EGFLAM: variants seen among roughly 807,000 people sequenced by gnomAD.
The protein encoded by EGFLAM is pikachurin.
Under a neutral mutation model 113.1 loss-of-function variants are expected in EGFLAM, and 79 were observed. That is an observed-to-expected ratio of 0.70 (90% confidence interval 0.58 to 0.84). The LOEUF (loss-of-function observed/expected upper bound fraction) is 0.84. Ranked by LOEUF, EGFLAM falls within the 40% of genes least tolerant of loss-of-function variation. The probability of loss-of-function intolerance (pLI) is 0.00; values close to 1 mark genes in which losing one functional copy is unlikely to be tolerated. For missense variants in EGFLAM, 1,265 were observed against 1,291.6 expected, an observed-to-expected ratio of 0.98 and a Z score of 0.32; for synonymous variants, 504 against 487.6, an observed-to-expected ratio of 1.03 and a Z score of -0.44.
At chr5:38,359,009 A>T (rs1158510734) in intron 5 of EGFLAM, among the ~76,000 whole-genome samples, 2 of 152,262 alleles carry the variant, frequency 1.3e-5, no homozygotes, top group Non-Finnish European at 2.9e-5. Context: ...GTTTATTAAA[A>T]TAAGAACCAA....
chr5:38,448,861 C>T (rs780083696), intron 18 of EGFLAM, among the ~76,000 whole-genome samples: 19 of 152,196 alleles, frequency 1.2e-4, no homozygotes, highest in East Asian at 1.9e-4. Flanking sequence ...ACCTACCCTG[C>T]GTCTTCATCA....
intron 6 of EGFLAM, among the ~76,000 whole-genome samples, chr5:38,379,828 GAA>G (rs34833258): frequency 0.16 from 23,090 of 140,128 alleles, 2,024 homozygotes; most frequent in African/African-American, 0.24. Context: ...CAGGCAAAAG[GAA>G]AAAAAAAAAA....
intron 1 of EGFLAM, among the ~76,000 whole-genome samples, chr5:38,263,085 T>A (rs911826438): frequency 1.2e-4 from 18 of 152,034 alleles, no homozygotes; most frequent in African/African-American, 4.4e-4. Context: ...AATGACTAAT[T>A]ATATTGAACA....
At chr5:38,314,773 C>G (rs1257880113) in intron 1 of EGFLAM, among the ~76,000 whole-genome samples, 2 of 152,220 alleles carry the variant, frequency 1.3e-5, no homozygotes, top group African/African-American at 4.8e-5. Context: ...GACCATATGA[C>G]TGTCTCTGGT....
chr5:38,342,823 A>G (rs1739369212), intron 3 of EGFLAM, among the ~76,000 whole-genome samples: 1 of 152,228 alleles, frequency 6.6e-6, no homozygotes, highest in South Asian at 2.1e-4. Flanking sequence ...TAAATTATAC[A>G]TATGCTACGG....
intron 12 of EGFLAM, among the ~76,000 whole-genome samples, chr5:38,419,526 C>G (rs868212554): frequency 1.3e-5 from 2 of 152,122 alleles, no homozygotes; most frequent in South Asian, 4.1e-4. Flanking sequence ...TTTTCTTGAC[C>G]ACATATCAAT....
At chr5:38,319,707 G>A (rs1028066122) in intron 1 of EGFLAM, among the ~76,000 whole-genome samples, 1 of 152,208 alleles carries the variant, frequency 6.6e-6, no homozygotes, top group Non-Finnish European at 1.5e-5. Flanking sequence ...TGGGGTGTTT[G>A]TTAGCCATCA....
intron 4 of EGFLAM, among the ~76,000 whole-genome samples, chr5:38,351,611 G>A (rs973250509): frequency 6.6e-6 from 1 of 152,194 alleles, no homozygotes; most frequent in Non-Finnish European, 1.5e-5. Context: ...AGATGTGTGT[G>A]TCTGGAGGTG....
At chr5:38,295,716 A>G (rs1758439733) in intron 1 of EGFLAM, among the ~76,000 whole-genome samples, 1 of 152,186 alleles carries the variant, frequency 6.6e-6, no homozygotes, top group African/African-American at 2.4e-5. Context: ...TTATTAGGCA[A>G]CTAGTAAAAC....
At chr5:38,408,008 C>T (rs563782244) in intron 9 of EGFLAM, 103 bp downstream of exon 9, 22 of 823,288 alleles carry the variant, frequency 2.7e-5, no homozygotes, top group South Asian at 2.1e-4. Flanking sequence ...GCAGGGAGAG[C>T]GACGAAAGGT....
intron 10 of EGFLAM, among the ~76,000 whole-genome samples, chr5:38,411,689 G>GCC (rs1741485254): frequency 6.6e-6 from 1 of 151,906 alleles, no homozygotes; most frequent in African/African-American, 2.4e-5. Flanking sequence ...CACCATGTTG[G>GCC]CCAGGATGGT....
At chr5:38,413,982 G>A (rs1176658991) in intron 11 of EGFLAM, among the ~76,000 whole-genome samples, 1 of 152,128 alleles carries the variant, frequency 6.6e-6, no homozygotes, top group African/African-American at 2.4e-5. Context: ...GACAGAAGAC[G>A]GAGCTCAGGC....
intron 1 of EGFLAM, among the ~76,000 whole-genome samples, chr5:38,270,771 T>C (rs1419203277): frequency 6.6e-6 from 1 of 152,238 alleles, no homozygotes; most frequent in Non-Finnish European, 1.5e-5. Context: ...GAAACTATGA[T>C]GACGGAAGAT....
intron 13 of EGFLAM, among the ~76,000 whole-genome samples, chr5:38,425,835 T>G (rs1481115910): frequency 6.6e-6 from 1 of 152,138 alleles, no homozygotes; most frequent in African/African-American, 2.4e-5. Flanking sequence ...GATAAAAGAT[T>G]GGGAAGATGA....
intron 19 of EGFLAM, among the ~76,000 whole-genome samples, chr5:38,457,039 C>A (rs1743109277): frequency 6.6e-6 from 1 of 152,168 alleles, no homozygotes; most frequent in Non-Finnish European, 1.5e-5. Flanking sequence ...TTCATGTTTT[C>A]TGAAACCCTT....
At position 38,407,894 on chromosome 5, in the gene EGFLAM, C is replaced by T. The variant is rs766730796; in HGVS notation, c.1237C>T (p.Leu413Phe). The change falls in exon 9 of 22, where the codon CTT becomes TTT. Residue 413 changes from leucine (L) to phenylalanine (F), a missense_variant. Transcript: ENST00000322350. ...TTCTTATCAGGCATTTCAAATTACT[C>T]TTGAATTTAGGGTAAGAGGGATGTG... ...KNSYQAFQIT[L>F]EFRAEAEDGL... 1.2e-6 allele frequency: 2 copies of T among 1,611,016 alleles called. No homozygotes were observed. The highest frequency in any genetic ancestry group is 1.7e-6 in the Non-Finnish European group (2 of 1,177,324).
intron 20 of EGFLAM, among the ~76,000 whole-genome samples, chr5:38,461,485 G>GA (rs1437840465): frequency 6.6e-6 from 1 of 151,782 alleles, no homozygotes; most frequent in Admixed American, 6.6e-5. Context: ...AGAGTAAGTA[G>GA]AAAAAAATGG....
chr5:38,354,312 T>C (rs141179244), intron 5 of EGFLAM, among the ~76,000 whole-genome samples: 32 of 152,014 alleles, frequency 2.1e-4, no homozygotes, highest in African/African-American at 6.0e-4. Context: ...ACACTGAAAA[T>C]CCTAAAACTT....
chr5:38,268,686 C>A lies in EGFLAM; in HGVS notation c.97+9835C>A, dbSNP rs532880404. On this transcript the variant is annotated intron_variant, in intron 1 of 21. Transcript: ENST00000322350. ...AATTTGCTTTTGTTGTAGTGTACAA[C>A]CTGGTTGAAAAGCAAATAGTTACCA... 2.0e-5 allele frequency among the ~76,000 whole-genome samples: 3 copies of A among 152,218 alleles called. No homozygotes were observed. The East Asian group carries it at 5.8e-4, about 29-fold the overall frequency.
Sources: gnomAD v4.1 joint callset for allele counts (sites outside exome capture counted in the v4.1 genomes callset) on GRCh38, gnomAD v4.1.1 for gene constraint, MANE v1.5 for transcripts, NCBI Gene and HGNC (gene_info 2026-07-23, HGNC 2026-07-21) for gene names.